GRM5: variants seen among roughly 807,000 people sequenced by gnomAD.
GRM5 encodes glutamate metabotropic receptor 5, also known as metabotropic glutamate receptor 5.
Under a neutral mutation model 83.1 loss-of-function variants are expected in GRM5, and 19 were observed. That is an observed-to-expected ratio of 0.23 (90% CI 0.16 to 0.34). GRM5 has a LOEUF of 0.34. Ranked by LOEUF, GRM5 falls within the 10% of genes least tolerant of loss-of-function variation. The pLI is 1.00. For synonymous variants in GRM5, 675 were observed against 633.6 expected (o/e 1.07, Z -0.98); for missense variants, 1,160 against 1,588.3 (o/e 0.73, Z 4.58).
rs184951703 is a variant in GRM5 at position 88,999,072 on chromosome 11, T to G, written c.661+48140A>C. On this transcript the variant is annotated intron_variant, in intron 2 of 9. Transcript: ENST00000305447. ...GAAACTGGATCCCTTCCTTACACCT[T>G]ATACAAAAATCAATTCAAGACGGAT... Among the ~76,000 whole-genome samples, 1,031 of 152,214 alleles carry G rather than the reference T, an allele frequency of 6.8e-3. 12 individuals are homozygous for G. The highest frequency in any genetic ancestry group is 0.024 in the African/African-American group (994 of 41,538).
intron 3 of GRM5, among the ~76,000 whole-genome samples, chr11:88,708,551 G>T (rs1251653124): frequency 6.6e-6 from 1 of 152,000 alleles, no homozygotes; most frequent in African/African-American, 2.4e-5. Context: ...CCTTTTCTGA[G>T]ATTGTTTCCA....
At chr11:88,939,800 A>C (rs553894320) in intron 2 of GRM5, among the ~76,000 whole-genome samples, 27 of 151,940 alleles carry the variant, frequency 1.8e-4, no homozygotes, top group Non-Finnish European at 3.5e-4. Context: ...ATGTCTAAAA[A>C]AAACTTCTAT....
intron 3 of GRM5, among the ~76,000 whole-genome samples, chr11:88,721,638 A>T (rs912435328): frequency 2.0e-5 from 3 of 152,078 alleles, no homozygotes; most frequent in African/African-American, 7.2e-5. Context: ...CACATCCATA[A>T]CTTGATTTTG....
At chr11:88,766,562 G>T (rs1356865202) in intron 3 of GRM5, among the ~76,000 whole-genome samples, 1 of 151,942 alleles carries the variant, frequency 6.6e-6, no homozygotes, top group Admixed American at 6.6e-5. Flanking sequence ...AATCAAAATG[G>T]ATCAAAGACT....
intron 6 of GRM5, among the ~76,000 whole-genome samples, chr11:88,594,090 G>A (rs1165301835): frequency 2.6e-5 from 4 of 152,104 alleles, no homozygotes; most frequent in African/African-American, 9.7e-5. Context: ...ACCCCGCCCG[G>A]CCCTAGAAGT....
intron 8 of GRM5, among the ~76,000 whole-genome samples, chr11:88,532,745 C>T (rs976668661): frequency 6.6e-6 from 1 of 151,968 alleles, no homozygotes; most frequent in Non-Finnish European, 1.5e-5. Flanking sequence ...ACATTCTGTA[C>T]ATGTTGGTCA....
chr11:88,593,177 A>G (rs1489203123), intron 6 of GRM5, among the ~76,000 whole-genome samples: 2 of 152,118 alleles, frequency 1.3e-5, no homozygotes, highest in African/African-American at 4.8e-5. Context: ...TACTAGACTA[A>G]ATCCTTTCAT....
intron 3 of GRM5, among the ~76,000 whole-genome samples, chr11:88,701,271 G>C (rs1396483843): frequency 2.6e-5 from 4 of 152,144 alleles, no homozygotes; most frequent in Non-Finnish European, 5.9e-5. Context: ...TCACTGGGGT[G>C]TCTTTTGGTA....
At chr11:88,967,126 C>T (rs1442655524) in intron 2 of GRM5, among the ~76,000 whole-genome samples, 1 of 151,696 alleles carries the variant, frequency 6.6e-6, no homozygotes, top group Non-Finnish European at 1.5e-5. Context: ...CAGTGACAGA[C>T]AATCCAAGAA....
rs1331042602 is a variant in GRM5 at position 88,816,216 on chromosome 11, T to G, written c.911+33690A>C. Among the ~76,000 whole-genome samples the G allele has an allele frequency of 8.9e-4, 57 of 64,010 alleles. 1 individual carries two copies. Among genetic ancestry groups the G allele is most frequent in the Non-Finnish European group, 9.0e-4 (37 of 41,144 alleles). The allele number at this position is 64,010 out of a possible 152,430, so 42.0% of individuals were successfully genotyped here. On this transcript the variant is annotated intron_variant, in intron 3 of 9. Transcript: ENST00000305447. ...GCCTGGGCGACAGAGCGAGACTCCG[T>G]CTCAAAAAAAAAAAAAAAAAAAAAA...
chr11:88,780,997 A>G (rs2135462744), intron 3 of GRM5, among the ~76,000 whole-genome samples: 1 of 151,854 alleles, frequency 6.6e-6, no homozygotes, highest in Admixed American at 6.6e-5. Flanking sequence ...CTTTAAACTT[A>G]TTGAAAATAA....
intron 2 of GRM5, among the ~76,000 whole-genome samples, chr11:89,031,464 T>C (rs1382829565): frequency 1.3e-5 from 2 of 151,894 alleles, no homozygotes; most frequent in Non-Finnish European, 2.9e-5. Flanking sequence ...TAAAAAAGAC[T>C]CTGAGGGCTC....
At chr11:88,902,743 C>G (rs1454619569) in intron 2 of GRM5, among the ~76,000 whole-genome samples, 2 of 151,982 alleles carry the variant, frequency 1.3e-5, no homozygotes, top group African/African-American at 2.4e-5. Flanking sequence ...ATCATGAGGT[C>G]TGGATTTCCA....
chr11:89,032,090 C>T lies in GRM5; in HGVS notation c.661+15122G>A, dbSNP rs190855423. ...TTTTATGTTTGTTTACCATTATTTT[C>T]ATTTTCTGTGACTTGGTTTAAATAA... On this transcript the variant is annotated intron_variant, in intron 2 of 9. Coordinates refer to ENST00000305447, the MANE Select transcript of GRM5 (RefSeq NM_001143831.3). 3.8e-3 allele frequency among the ~76,000 whole-genome samples: 582 copies of T among 151,972 alleles called. 3 individuals carry two copies. The highest frequency in any genetic ancestry group is 0.014 in the Middle Eastern group (4 of 294).
chr11:88,517,128 T>TACACACACACAC (rs60251358), intron 9 of GRM5, among the ~76,000 whole-genome samples: 1 of 148,074 alleles, frequency 6.8e-6, no homozygotes, highest in African/African-American at 2.5e-5. Context: ...TTGGCTTCTG[T>TACACACACACAC]ACACACACAC....
intron 4 of GRM5, among the ~76,000 whole-genome samples, chr11:88,644,542 G>A (rs1329222320): frequency 6.6e-6 from 1 of 152,092 alleles, no homozygotes; most frequent in Non-Finnish European, 1.5e-5. Flanking sequence ...ATGTAATACA[G>A]CAAGAAAAAA....
At chr11:88,659,913 ATATGT>A (rs1429022588) in intron 3 of GRM5, among the ~76,000 whole-genome samples, 5 of 152,298 alleles carry the variant, frequency 3.3e-5, no homozygotes, top group African/African-American at 7.2e-5. Context: ...TCCTATCCAT[ATATGT>A]TATAAGTTAT....
chr11:88,769,314 G>T (rs1296276080), intron 3 of GRM5, among the ~76,000 whole-genome samples: 1 of 152,002 alleles, frequency 6.6e-6, no homozygotes, highest in African/African-American at 2.4e-5. Flanking sequence ...ATCGTTACAT[G>T]TAGAGATATT....
chr11:88,533,413 T>A (rs1591328857), intron 8 of GRM5, among the ~76,000 whole-genome samples: 1 of 152,200 alleles, frequency 6.6e-6, no homozygotes. Context: ...TCTCAATACA[T>A]CCTGCCAGAC....
Sources: gnomAD v4.1 joint callset for allele counts (sites outside exome capture counted in the v4.1 genomes callset) on GRCh38, gnomAD v4.1.1 for gene constraint, MANE v1.5 for transcripts, NCBI Gene and HGNC (gene_info 2026-07-23, HGNC 2026-07-21) for gene names.